The following GAS7 variants were observed in gnomAD, a reference collection of about 807,000 sequenced individuals.
GAS7 encodes the protein growth arrest specific 7.
In GAS7, 28 loss-of-function variants were observed where a neutral mutation model predicts 71.1. The observed-to-expected ratio is 0.39, with a 90% CI of 0.29 to 0.54. GAS7 has a LOEUF of 0.54. Ranked by LOEUF, GAS7 falls within the 20% of genes least tolerant of loss-of-function variation. The pLI, the probability that GAS7 is intolerant of heterozygous loss-of-function variation, is 0.62. For missense variants in GAS7, 436 were observed against 627.8 expected (o/e 0.69, Z 3.27); for synonymous variants, 258 against 245.8 (o/e 1.05, Z -0.46).
At position 10,167,044 on chromosome 17, in the gene GAS7, C is replaced by CTTTTTTTT. The variant is rs1164151104; in HGVS notation, c.183+31156_183+31163dup. 4.7e-3 allele frequency among the ~76,000 whole-genome samples: 276 copies of CTTTTTTTT among 58,794 alleles called. 43 individuals carry two copies. Among genetic ancestry groups the CTTTTTTTT allele is most frequent in the African/African-American group, 9.2e-3 (113 of 12,300 alleles). The allele number at this position is 58,794 out of a possible 152,430, so 38.6% of individuals were successfully genotyped here. On this transcript the variant is annotated intron_variant, in intron 1 of 13. Coordinates refer to ENST00000432992, the MANE Select transcript of GAS7 (RefSeq NM_201433.2). ...AAACCAATCTACTATTTCCATTTGT[C>CTTTTTTTT]TTTTTTTTTTTTTTTTTTTTTTTTT...
intron 1 of GAS7, among the ~76,000 whole-genome samples, chr17:10,093,096 T>C (rs765886830): frequency 6.6e-6 from 1 of 152,240 alleles, no homozygotes; most frequent in Non-Finnish European, 1.5e-5. Flanking sequence ...CTTATGTCAA[T>C]GTCGTTGCTG....
chr17:10,198,395 T>G lies in GAS7; in HGVS notation c.-5A>C. On this transcript the variant is annotated 5_prime_UTR_variant, in exon 1 of 14. Transcript: ENST00000432992. ...CCGGCAGCGAGCGCCGGACATGGCC[T>G]TGGCGCCCGGGTTCACAGCGCAGCC... The G allele has an allele frequency of 6.4e-7, 1 of 1,572,510 alleles. No homozygotes were observed. The highest frequency in any genetic ancestry group is 8.6e-7 in the Non-Finnish European group (1 of 1,168,420).
intron 1 of GAS7, among the ~76,000 whole-genome samples, chr17:10,132,187 C>A (rs374943566): frequency 1.3e-5 from 2 of 152,228 alleles, no homozygotes; most frequent in Non-Finnish European, 2.9e-5. Context: ...TACGTGCTCA[C>A]GTACTCACAA....
chr17:10,021,660 A>G (rs1280404841), intron 1 of GAS7, among the ~76,000 whole-genome samples: 1 of 152,188 alleles, frequency 6.6e-6, no homozygotes, highest in Non-Finnish European at 1.5e-5. Flanking sequence ...CAGGATCAAC[A>G]CGGTGTGGCA....
At chr17:10,007,648 A>G (rs1273191376) in intron 2 of GAS7, among the ~76,000 whole-genome samples, 1 of 149,206 alleles carries the variant, frequency 6.7e-6, no homozygotes, top group African/African-American at 2.5e-5. Context: ...AAAAAAAAAA[A>G]AAGAACAGTT....
intron 1 of GAS7, among the ~76,000 whole-genome samples, chr17:10,128,607 T>C (rs2073970405): frequency 6.6e-6 from 1 of 151,912 alleles, no homozygotes; most frequent in Non-Finnish European, 1.5e-5. Flanking sequence ...GTGAAATAAG[T>C]GATCGTTTTG....
chr17:10,006,986 G>T (rs2071562067), intron 2 of GAS7, among the ~76,000 whole-genome samples: 1 of 151,920 alleles, frequency 6.6e-6, no homozygotes, highest in Non-Finnish European at 1.5e-5. Flanking sequence ...TTAACCTTGG[G>T]GCTACGATAC....
chr17:9,917,438 G>A, intron 13 of GAS7, 97 bp from the exon 14 acceptor site: 5 of 864,484 alleles, frequency 5.8e-6, no homozygotes, highest in Non-Finnish European at 9.5e-6. Flanking sequence ...GTGTCTCTGA[G>A]AGCAGCCTCT....
intron 9 of GAS7, chr17:9,927,085 T>G: frequency 3.4e-6 from 1 of 293,418 alleles, no homozygotes; most frequent in East Asian, 6.3e-5. Flanking sequence ...TTTTTAGAAT[T>G]TTTTACTATT....
chr17:10,175,930 C>T (rs2074371311), intron 1 of GAS7, among the ~76,000 whole-genome samples: 1 of 152,182 alleles, frequency 6.6e-6, no homozygotes, highest in South Asian at 2.1e-4. Flanking sequence ...TTGAGCACTC[C>T]CACAGCCCTG....
At chr17:9,930,017 A>T (rs1339955485) in intron 9 of GAS7, among the ~76,000 whole-genome samples, 1 of 152,176 alleles carries the variant, frequency 6.6e-6, no homozygotes, top group Middle Eastern at 3.2e-3. Context: ...AGAAGTTCCA[A>T]GTTGGTAGGA....
chr17:9,925,165 G>A lies in GAS7; in HGVS notation c.1138+311C>T, dbSNP rs74627952. Among the ~76,000 whole-genome samples, 1,408 of 145,706 alleles carry A rather than the reference G, an allele frequency of 9.7e-3. 13 individuals are homozygous for A. Among genetic ancestry groups the A allele is most frequent in the Non-Finnish European group, 0.014 (944 of 66,038 alleles). On this transcript the variant is annotated intron_variant, in intron 11 of 13. Transcript: ENST00000432992. The stretch of plus-strand genomic sequence containing the variant: ...GGAGTTTGTCCACCTCCTGGTCAGA[G>A]ATCTGGGGCTTGGGCGGAAAACAAA...
At chr17:10,057,772 G>A (rs188978601) in intron 1 of GAS7, among the ~76,000 whole-genome samples, 84 of 152,394 alleles carry the variant, frequency 5.5e-4, no homozygotes, top group African/African-American at 1.9e-3. Context: ...ACTGAGAACG[G>A]GCCATGATGA....
chr17:9,981,836 G>A lies in GAS7; in HGVS notation c.353C>T (p.Pro118Leu). 2 of 1,606,930 alleles carry A rather than the reference G, an allele frequency of 1.2e-6. No homozygotes were observed. Among genetic ancestry groups the A allele is most frequent in the Non-Finnish European group, 1.7e-6 (2 of 1,173,394 alleles). Residue 118 changes from proline (P) to leucine (L), a missense_variant, in exon 3 of 14, where the codon CCT becomes CTT. By Grantham distance (98) the Pro-to-Leu change is moderately conservative (BLOSUM62 -3). Coordinates refer to ENST00000432992, the MANE Select transcript of GAS7 (RefSeq NM_201433.2). This position sits in a 1 kb window ranked among gnomAD's most constrained non-coding sequence, Gnocchi z 4.4. ...AGGCAGAGAGCTCCTGTGAGAGCCA[G>A]GGCTGGCTGGAATCCCAGGAGAACT... ...PSSSPGIPAS[P>L]GSHRSSLPPT...
chr17:10,143,801 G>C (rs752656800), intron 1 of GAS7, among the ~76,000 whole-genome samples: 1 of 152,214 alleles, frequency 6.6e-6, no homozygotes, highest in Non-Finnish European at 1.5e-5. Flanking sequence ...AGATTCTGTT[G>C]TTTAAGCCCC....
At chr17:10,167,122 A>G (rs564621418) in intron 1 of GAS7, among the ~76,000 whole-genome samples, 30 of 119,020 alleles carry the variant, frequency 2.5e-4, no homozygotes, top group African/African-American at 8.7e-4. Context: ...CAATGGTGTG[A>G]TCTCGGCTCA....
intron 1 of GAS7, among the ~76,000 whole-genome samples, chr17:10,056,222 T>C (rs1016876635): frequency 6.6e-6 from 1 of 152,054 alleles, no homozygotes; most frequent in Non-Finnish European, 1.5e-5. Context: ...TAGCCAGGCA[T>C]GGTGGTGTGT....
chr17:9,956,297 C>A (rs866774538), intron 5 of GAS7, among the ~76,000 whole-genome samples: 1 of 152,124 alleles, frequency 6.6e-6, no homozygotes, highest in Non-Finnish European at 1.5e-5. Context: ...GGGAGAGGAA[C>A]AAGCCAGCCC....
At chr17:10,058,963 G>A (rs1485886794) in intron 1 of GAS7, among the ~76,000 whole-genome samples, 3 of 152,202 alleles carry the variant, frequency 2.0e-5, no homozygotes, top group Admixed American at 1.3e-4. Context: ...TTCATTACAC[G>A]TCTCCGGCTT....
Sources: gnomAD v4.1 joint callset for allele counts (sites outside exome capture counted in the v4.1 genomes callset) on GRCh38, gnomAD v4.1.1 for gene constraint, Gnocchi (gnomAD v3.1) non-coding constraint, MANE v1.5 for transcripts, NCBI Gene and HGNC (gene_info 2026-07-23, HGNC 2026-07-21) for gene names.